Variants in MYO18B observed in about 807,000 individuals in gnomAD.
MYO18B encodes unconventional myosin-XVIIIb.
In MYO18B, 204 loss-of-function variants were observed where a neutral mutation model predicts 273.0. The observed-to-expected ratio is 0.75, with a 90% CI of 0.67 to 0.84. The LOEUF (loss-of-function observed/expected upper bound fraction) is 0.84, where lower values mean the gene tolerates loss of function less well. Ranked by LOEUF, MYO18B falls within the 40% of genes least tolerant of loss-of-function variation. The probability of loss-of-function intolerance (pLI) is 0.00; values close to 1 mark genes in which losing one functional copy is unlikely to be tolerated. For missense variants in MYO18B, 3,212 were observed against 3,287.6 expected, an observed-to-expected ratio of 0.98 and a Z score of 0.56; for synonymous variants, 1,330 against 1,305.7, an observed-to-expected ratio of 1.02 and a Z score of -0.40.
chr22:26,041,352 C>CAAAAAAA, the MYO18B span, among the ~76,000 whole-genome samples: 237 of 62,142 alleles, frequency 3.8e-3, 4 homozygotes, highest in African/African-American at 0.013. Context: ...CTGTCTCTAC[C>CAAAAAAA]AAAAAAAAAA....
downstream of MYO18B, among the ~76,000 whole-genome samples, chr22:26,034,519 G>T (rs1174274810): frequency 6.6e-6 from 1 of 152,170 alleles, no homozygotes; most frequent in Non-Finnish European, 1.5e-5. Flanking sequence ...TGCAGTAAAT[G>T]GTGGCATCAT....
intron 31 of MYO18B, among the ~76,000 whole-genome samples, chr22:25,904,675 T>C (rs6004822): frequency 0.13 from 20,226 of 152,204 alleles, 2,216 homozygotes; most frequent in African/African-American, 0.31. Context: ...TTTGTCTGCT[T>C]GCTTATTTAT....
Position 25,769,170 on chromosome 22 carries a change from C to A in MYO18B, c.1254C>A (p.Ala418=). The part of the protein sequence containing the change: ...ARSQTEKGCE[A]PKEVSTMVES... ...GTCAGACAGAGAAGGGCTGTGAAGC[C>A]CCAAAGGAGGTGAGCACAATGGTGG... The change falls in exon 4 of 44, where the codon GCC becomes GCA. Residue 418 remains alanine, a synonymous_variant. Coordinates refer to ENST00000335473, the MANE Select transcript of MYO18B (RefSeq NM_032608.7). The A allele has an allele frequency of 6.2e-7, 1 of 1,612,414 alleles. No individual in the cohort carries two copies. The highest frequency in any genetic ancestry group is 1.7e-5 in the Admixed American group (1 of 59,788).
intron 34 of MYO18B, among the ~76,000 whole-genome samples, chr22:25,928,830 T>A (rs553701020): frequency 6.6e-6 from 1 of 152,110 alleles, no homozygotes; most frequent in African/African-American, 2.4e-5. Flanking sequence ...CACTGGACCA[T>A]GGATTTGAAA....
At chr22:25,952,847 A>T (rs1047402478) in intron 38 of MYO18B, among the ~76,000 whole-genome samples, 1 of 152,232 alleles carries the variant, frequency 6.6e-6, no homozygotes, top group Non-Finnish European at 1.5e-5. Context: ...CATTTTGAAC[A>T]GAAATTTATT....
intron 13 of MYO18B, among the ~76,000 whole-genome samples, chr22:25,825,641 C>T (rs553391351): frequency 4.8e-4 from 73 of 152,168 alleles, no homozygotes; most frequent in Non-Finnish European, 9.4e-4. Flanking sequence ...CAATCTCATT[C>T]AGTATTCTTC....
intron 17 of MYO18B, among the ~76,000 whole-genome samples, chr22:25,842,580 G>A (rs2090116535): frequency 6.6e-6 from 1 of 151,018 alleles, no homozygotes; most frequent in South Asian, 2.1e-4. Context: ...GCTGAGGCAG[G>A]AGAATCACTT....
chr22:25,917,618 AT>A (rs1311236544), intron 33 of MYO18B, among the ~76,000 whole-genome samples: 1 of 146,434 alleles, frequency 6.8e-6, no homozygotes, highest in Non-Finnish European at 1.5e-5. Context: ...CAGCTGGATA[AT>A]TTTAATGCAA....
chr22:25,811,138 C>T (rs139590770), intron 12 of MYO18B, among the ~76,000 whole-genome samples: 2,631 of 151,210 alleles, frequency 0.017, 94 homozygotes, highest in African/African-American at 0.06. Context: ...CTCAGCCTCC[C>T]GAGTGGCTGG....
At chr22:26,004,440 C>T (rs1224077219) in intron 41 of MYO18B, among the ~76,000 whole-genome samples, 1 of 152,150 alleles carries the variant, frequency 6.6e-6, no homozygotes, top group East Asian at 1.9e-4. Flanking sequence ...TGATTAATAG[C>T]ATGGGCATTG....
intron 39 of MYO18B, among the ~76,000 whole-genome samples, chr22:25,980,662 A>C (rs9608436): frequency 6.6e-6 from 1 of 152,228 alleles, no homozygotes; most frequent in African/African-American, 2.4e-5. Flanking sequence ...TGATTTTCAA[A>C]GTTTTCTTTT....
At chr22:25,963,000 G>A (rs1231958256) in intron 39 of MYO18B, among the ~76,000 whole-genome samples, 2 of 152,000 alleles carry the variant, frequency 1.3e-5, no homozygotes. Flanking sequence ...CCTACTGCAT[G>A]CCAATTGCAA....
At chr22:26,037,899 C>T in the MYO18B span, among the ~76,000 whole-genome samples, 6 of 152,202 alleles carry the variant, frequency 3.9e-5, no homozygotes, top group Admixed American at 3.3e-4. Context: ...ATACCCCATA[C>T]CTGTGCATGG....
Position 25,749,821 on chromosome 22 carries a change from G to GA in MYO18B, c.-110+7535dup, listed in dbSNP as rs1437746171. Among the ~76,000 whole-genome samples the GA allele has an allele frequency of 2.6e-5, 4 of 152,094 alleles. No individual in the cohort carries two copies. In the South Asian group the frequency reaches 8.3e-4, roughly 32 times the overall value. ...CAGTGGGGCCATTTGAGGAGTTTAGGAAAAAAACTGTTTACCAAAGTAGGG... is the reference window on the plus strand; with the variant it reads ...CAGTGGGGCCATTTGAGGAGTTTAGGAAAAAAAACTGTTTACCAAAGTAGGG... On this transcript the variant is annotated intron_variant, in intron 1 of 43. Coordinates refer to ENST00000335473, the MANE Select transcript of MYO18B (RefSeq NM_032608.7).
chr22:25,957,629 G>T (rs1224086560), intron 39 of MYO18B, among the ~76,000 whole-genome samples: 5 of 152,218 alleles, frequency 3.3e-5, no homozygotes, highest in East Asian at 1.9e-4. Flanking sequence ...GAGGCCTGAA[G>T]TCTGAAATCA....
the MYO18B span, among the ~76,000 whole-genome samples, chr22:26,036,064 A>C: frequency 6.6e-6 from 1 of 152,216 alleles, no homozygotes; most frequent in Non-Finnish European, 1.5e-5. Context: ...GATTGTACAT[A>C]GGAAGCAGAG....
downstream of MYO18B, among the ~76,000 whole-genome samples, chr22:26,033,405 A>G (rs1458453895): frequency 1.3e-5 from 2 of 152,236 alleles, no homozygotes; most frequent in East Asian, 3.8e-4. Flanking sequence ...AAAAATAAAG[A>G]TGAAATTATC....
At chr22:25,905,926 C>A (rs970458053) in intron 31 of MYO18B, among the ~76,000 whole-genome samples, 6 of 152,310 alleles carry the variant, frequency 3.9e-5, no homozygotes, top group African/African-American at 1.4e-4. Flanking sequence ...GCAGGATCTT[C>A]ACAGAGCCAA....
chr22:25,838,137 A>G (rs1008227403), intron 17 of MYO18B, among the ~76,000 whole-genome samples: 4 of 142,814 alleles, frequency 2.8e-5, no homozygotes, highest in African/African-American at 1.0e-4. Flanking sequence ...ATATGCCTAT[A>G]TATTAAATTA....
Sources: allele counts gnomAD v4.1 joint callset (sites outside exome capture counted in the v4.1 genomes callset), GRCh38; gene constraint gnomAD v4.1.1; transcripts MANE v1.5; gene names NCBI Gene and HGNC (gene_info 2026-07-23, HGNC 2026-07-21).